CFAP77: variants seen among roughly 807,000 people sequenced by gnomAD.
CFAP77 encodes the protein cilia- and flagella-associated protein 77.
A neutral mutation model predicts 31.1 loss-of-function variants in CFAP77; 25 were observed. That is an observed-to-expected ratio of 0.80 (90% CI 0.59 to 1.12). The LOEUF is 1.12. Ranked by LOEUF, CFAP77 falls within the 50% of genes most tolerant of loss-of-function variation. The pLI, the probability that CFAP77 is intolerant of heterozygous loss-of-function variation, is 0.00. For synonymous variants in CFAP77, 151 were observed against 159.9 expected (o/e 0.94, Z 0.42); for missense variants, 377 against 397.3 (o/e 0.95, Z 0.44).
rs1851723775 is a variant in CFAP77 at position 132,495,279 on chromosome 9, G to T, written c.196-3416G>T. 6.6e-6 allele frequency among the ~76,000 whole-genome samples: 1 copy of T among 152,062 alleles called. No homozygotes were observed. The highest frequency in any genetic ancestry group is 2.4e-5 in the African/African-American group (1 of 41,378). ...AAAGCAGAGATTGAGGCACACACCT[G>T]CTCCTTGCTCCCTGCCTGAGGGTGG... On this transcript the variant is annotated intron_variant, in intron 1 of 5. Transcript: ENST00000393216. The surrounding 1 kb of genome is among the most constrained non-coding windows in gnomAD (Gnocchi z 4.2).
At chr9:132,512,468 C>T (rs1443963540) in intron 3 of CFAP77, among the ~76,000 whole-genome samples, 1 of 152,220 alleles carries the variant, frequency 6.6e-6, no homozygotes, top group African/African-American at 2.4e-5. Context: ...ATTCAGCCCA[C>T]TCTAATCATC....
At chr9:132,460,606 C>A (rs1851030638) in intron 1 of CFAP77, among the ~76,000 whole-genome samples, 1 of 151,956 alleles carries the variant, frequency 6.6e-6, no homozygotes, top group African/African-American at 2.4e-5. Context: ...GCTGCTAAGA[C>A]CGGGGAGATG....
intron 1 of CFAP77, among the ~76,000 whole-genome samples, chr9:132,431,946 G>C (rs1850417803): frequency 1.3e-5 from 2 of 152,154 alleles, no homozygotes; most frequent in African/African-American, 4.8e-5. Flanking sequence ...GGGATTCCAG[G>C]TGTGAGCCAC....
intron 3 of CFAP77, among the ~76,000 whole-genome samples, chr9:132,522,370 T>A (rs184180427): frequency 7.9e-4 from 87 of 109,980 alleles, no homozygotes; most frequent in Non-Finnish European, 1.4e-3. Flanking sequence ...GGGCAAGCCA[T>A]TTGACCTCTC....
chr9:132,556,623 C>T (rs1252702395), intron 5 of CFAP77, among the ~76,000 whole-genome samples: 1 of 152,200 alleles, frequency 6.6e-6, no homozygotes, highest in Non-Finnish European at 1.5e-5. Context: ...GGGGTGGCAG[C>T]TTGGGGGAGC....
In CFAP77 at chr9:132,483,147, T is replaced by C. The variant is rs538552461; in HGVS notation, c.196-15548T>C. 2.0e-5 allele frequency among the ~76,000 whole-genome samples: 3 copies of C among 152,084 alleles called. No homozygotes were observed. In the South Asian group the frequency reaches 6.2e-4, roughly 32 times the overall value. Reference sequence around the variant, plus strand: ...TTAGCCGGGCGTGGTGGTGCGTGCCTGTAATCCCAGCTACTCAGGAGGCTG... The same window carrying C: ...TTAGCCGGGCGTGGTGGTGCGTGCCCGTAATCCCAGCTACTCAGGAGGCTG... On this transcript the variant is annotated intron_variant, in intron 1 of 5. Transcript: ENST00000393216.
chr9:132,473,793 C>T (rs1472334251), intron 1 of CFAP77, among the ~76,000 whole-genome samples: 2 of 152,228 alleles, frequency 1.3e-5, no homozygotes, highest in African/African-American at 2.4e-5. Flanking sequence ...AAATGATTCT[C>T]CTGCCTCAGC....
chr9:132,516,712 A>G (rs939588853), intron 3 of CFAP77, among the ~76,000 whole-genome samples: 11 of 152,020 alleles, frequency 7.2e-5, no homozygotes, highest in Non-Finnish European at 1.2e-4. Context: ...TACAGTTACC[A>G]TTGGGGGAAA....
chr9:132,415,694 A>T (rs997249952), intron 1 of CFAP77, among the ~76,000 whole-genome samples: 1 of 152,216 alleles, frequency 6.6e-6, no homozygotes, highest in East Asian at 1.9e-4. Flanking sequence ...TCCAGGCTCA[A>T]GCGTTGCTCA....
chr9:132,572,394 C>G lies in CFAP77; in HGVS notation c.739C>G (p.Arg247Gly). The change falls in exon 6 of 6, where the codon CGC becomes GGC. Residue 247 changes from arginine (R) to glycine (G), a missense_variant. Physicochemically the swap from Arg to Gly is moderately radical, Grantham distance 125. Coordinates refer to ENST00000393216, the MANE Select transcript of CFAP77 (RefSeq NM_001282957.2). ...TCTTCCCTTCTATCCACAGGTGGGC[C>G]GCCACCTTGATACGTTCCCCACGGA... ...WHMPHFQKVG[R>G]HLDTFPTEAD... 6.2e-7 allele frequency: 1 copy of G among 1,613,302 alleles called. No homozygotes were observed. The highest frequency in any genetic ancestry group is 8.5e-7 in the Non-Finnish European group (1 of 1,179,804).
At chr9:132,474,230 G>T (rs1851309501) in intron 1 of CFAP77, among the ~76,000 whole-genome samples, 1 of 152,176 alleles carries the variant, frequency 6.6e-6, no homozygotes, top group African/African-American at 2.4e-5. Flanking sequence ...AATACATGTG[G>T]TCTGGTGGGT....
rs1554748118 is a variant in CFAP77 at position 132,529,507 on chromosome 9, T to TAAAAAAAAAACA, written c.525-8084_525-8083insCAAAAAAAAAAA. Among the ~76,000 whole-genome samples the TAAAAAAAAAACA allele has an allele frequency of 7.4e-5, 8 of 108,836 alleles. 1 individual carries two copies. The highest frequency in any genetic ancestry group is 3.2e-4 in the South Asian group (1 of 3,098). 71.4% of individuals were successfully genotyped at this position (108,836 alleles called of 152,430 possible). On this transcript the variant is annotated intron_variant, in intron 3 of 5. Coordinates refer to ENST00000393216, the MANE Select transcript of CFAP77 (RefSeq NM_001282957.2). Reference sequence around the variant, plus strand: ...ATGTACCCTAAAACTTAGAGTATAATAAAAAAAAAAAACAAAAAAAAAACT... The same window carrying TAAAAAAAAAACA: ...ATGTACCCTAAAACTTAGAGTATAATAAAAAAAAAACAAAAAAAAAAAAACAAAAAAAAAACT...
chr9:132,443,822 G>A (rs141643365), intron 1 of CFAP77, among the ~76,000 whole-genome samples: 22 of 152,318 alleles, frequency 1.4e-4, no homozygotes, highest in African/African-American at 4.6e-4. Flanking sequence ...TTCTGGCCAC[G>A]CTTGAATAGT....
chr9:132,423,474 T>C (rs938813087), intron 1 of CFAP77, among the ~76,000 whole-genome samples: 9 of 152,172 alleles, frequency 5.9e-5, no homozygotes, highest in Non-Finnish European at 1.5e-5. Context: ...CCCTTACATC[T>C]TTGCAACAAT....
intron 1 of CFAP77, among the ~76,000 whole-genome samples, chr9:132,472,543 G>A (rs1329754511): frequency 1.3e-5 from 2 of 152,184 alleles, no homozygotes; most frequent in African/African-American, 4.8e-5. Context: ...GATGGATTGA[G>A]GCCAGGATTT....
Position 132,498,806 on chromosome 9 carries a change from G to T in CFAP77, c.295+12G>T, listed in dbSNP as rs1589888178. ...AGGAGTCCCTGAAGGTGAGCGAGCA[G>T]CTTTGGAGCATGAGGGCAGAGGAGT... is the stretch of plus-strand genomic sequence containing the variant. On this transcript the variant is annotated intron_variant, in intron 2 of 5. Transcript: ENST00000393216. This position sits in a 1 kb window ranked among gnomAD's most constrained non-coding sequence, Gnocchi z 4.2. The T allele has an allele frequency of 1.9e-6, 3 of 1,589,074 alleles. No homozygotes were observed. The East Asian group carries it at 6.7e-5, about 36-fold the overall frequency.
At chr9:132,453,908 C>T (rs1294694884) in intron 1 of CFAP77, among the ~76,000 whole-genome samples, 1 of 152,180 alleles carries the variant, frequency 6.6e-6, no homozygotes, top group Non-Finnish European at 1.5e-5. Flanking sequence ...GAAAGGAGGA[C>T]ATTTGTTTTA....
chr9:132,425,207 C>T (rs188334606), intron 1 of CFAP77, among the ~76,000 whole-genome samples: 39 of 152,288 alleles, frequency 2.6e-4, no homozygotes, highest in Admixed American at 6.5e-4. Context: ...GCGTCGCCCC[C>T]GTCAATACTC....
intron 1 of CFAP77, among the ~76,000 whole-genome samples, chr9:132,450,091 C>T (rs374984722): frequency 3.3e-5 from 5 of 151,940 alleles, no homozygotes; most frequent in East Asian, 3.9e-4. Flanking sequence ...CCACCACGCC[C>T]GGCTAATTTT....
Sources: gnomAD v4.1 joint callset for allele counts (sites outside exome capture counted in the v4.1 genomes callset) on GRCh38, gnomAD v4.1.1 for gene constraint, Gnocchi (gnomAD v3.1) non-coding constraint, MANE v1.5 for transcripts, NCBI Gene and HGNC (gene_info 2026-07-23, HGNC 2026-07-21) for gene names.